ZNF43: variants seen among roughly 807,000 people sequenced by gnomAD.
The protein encoded by ZNF43 is zinc finger protein 39-like 1 (KOX 27).
In ZNF43, 44 loss-of-function variants were observed where a neutral mutation model predicts 68.4. The ratio of observed to expected loss-of-function variants is 0.64; its 90% confidence interval spans 0.51 to 0.83. The LOEUF (loss-of-function observed/expected upper bound fraction) is 0.83, where lower values mean the gene tolerates loss of function less well. Among genes scored for constraint, ZNF43 ranks in the 40% least tolerant of loss-of-function variants. The pLI is 0.00. For synonymous variants in ZNF43, 308 were observed against 307.8 expected (o/e 1.00, Z -0.01); for missense variants, 896 against 933.2 (o/e 0.96, Z 0.52).
chr19:21,835,144 G>A (rs1324385376), intron 1 of ZNF43, among the ~76,000 whole-genome samples: 1 of 147,378 alleles, frequency 6.8e-6, no homozygotes, highest in East Asian at 2.1e-4. Flanking sequence ...AGCTACTAAG[G>A]AGGCTGAGGC....
chr19:21,827,605 A>G (rs571246743), intron 1 of ZNF43, among the ~76,000 whole-genome samples: 7 of 148,964 alleles, frequency 4.7e-5, no homozygotes, highest in African/African-American at 1.5e-4. Context: ...CAAGTGATCC[A>G]CCCACCTTGG....
chr19:21,814,919 G>T (rs936000384), intron 3 of ZNF43, among the ~76,000 whole-genome samples: 1 of 151,814 alleles, frequency 6.6e-6, no homozygotes, highest in Non-Finnish European at 1.5e-5. Context: ...CAGGCACAGT[G>T]GCTCATGCCT....
chr19:21,816,234 T>A (rs2037521923), intron 3 of ZNF43, among the ~76,000 whole-genome samples: 1 of 152,112 alleles, frequency 6.6e-6, no homozygotes, highest in Admixed American at 6.5e-5. Flanking sequence ...GCATCATGGC[T>A]CACACTTGCA....
chr19:21,811,426 T>C (rs2037263690), intron 3 of ZNF43, among the ~76,000 whole-genome samples: 1 of 151,756 alleles, frequency 6.6e-6, no homozygotes, highest in Non-Finnish European at 1.5e-5. Context: ...TCCCAGCTAC[T>C]TGGGAGGCTG....
intron 1 of ZNF43, among the ~76,000 whole-genome samples, chr19:21,828,836 A>G (rs373660015): frequency 2.8e-4 from 42 of 151,746 alleles, no homozygotes; most frequent in African/African-American, 9.2e-4. Flanking sequence ...GATCGAGACC[A>G]TCCTGGCTAA....
At chr19:21,852,006 C>T in exon 1 of ZNF43, 1 of 1,492,416 alleles carries the variant, frequency 6.7e-7, no homozygotes, top group East Asian at 2.6e-5. Flanking sequence ...CCGGGGATTC[C>T]CGAGTTGGAG....
intron 1 of ZNF43, among the ~76,000 whole-genome samples, chr19:21,849,707 A>C (rs969207699): frequency 1.3e-5 from 2 of 151,388 alleles, no homozygotes; most frequent in African/African-American, 2.4e-5. Context: ...GCACCACTAC[A>C]CTCCAGCCTG....
chr19:21,818,780 A>G (rs2037654517), intron 2 of ZNF43, among the ~76,000 whole-genome samples: 1 of 152,112 alleles, frequency 6.6e-6, no homozygotes, highest in Non-Finnish European at 1.5e-5. Context: ...TAATTTCACT[A>G]CCTGGTAATA....
Position 21,805,628 on chromosome 19 carries a change from C to G in ZNF43, c.*1979G>C, listed in dbSNP as rs943773859. The G allele has an allele frequency of 2.0e-5, 3 of 149,882 alleles. No homozygotes were observed. Among genetic ancestry groups the G allele is most frequent in the African/African-American group, 7.4e-5 (3 of 40,712 alleles). 9.3% of individuals were successfully genotyped at this position (149,882 alleles called of 1,614,324 possible). ...CAAGACTCTGTCTCAAAAAAAAAAA[C>G]CAAACAAACAAAAAAAATTATGAAT... On this transcript the variant is annotated 3_prime_UTR_variant, in exon 4 of 4. Coordinates refer to ENST00000354959, the MANE Select transcript of ZNF43 (RefSeq NM_003423.4).
At chr19:21,839,278 G>A (rs1008036523), upstream of ZNF43, among the ~76,000 whole-genome samples, 2 of 146,296 alleles carry the variant, frequency 1.4e-5, no homozygotes, top group African/African-American at 5.1e-5. Context: ...ATAATACCTA[G>A]GTGTTGGACC....
chr19:21,835,992 C>A, intron 1 of ZNF43, 44 bp downstream of exon 1: 2 of 1,613,440 alleles, frequency 1.2e-6, no homozygotes. Flanking sequence ...TGAGTCACGC[C>A]ACAGCCCCTT....
intron 1 of ZNF43, among the ~76,000 whole-genome samples, chr19:21,844,990 G>A (rs1208910912): frequency 6.9e-6 from 1 of 144,986 alleles, no homozygotes; most frequent in East Asian, 2.0e-4. Flanking sequence ...GAGTGAGCAG[G>A]AGAGTCACAT....
intron 2 of ZNF43, among the ~76,000 whole-genome samples, chr19:21,818,635 G>A (rs981064041): frequency 1.3e-5 from 2 of 152,034 alleles, no homozygotes; most frequent in African/African-American, 4.8e-5. Flanking sequence ...TGGTCAGGCT[G>A]GTCTCAAACT....
exon 1 of ZNF43, chr19:21,851,922 G>T (rs1452208507): frequency 6.3e-7 from 1 of 1,579,196 alleles, no homozygotes; most frequent in Non-Finnish European, 8.6e-7. Context: ...CAGCTTCCAG[G>T]ATGTCCGGGC....
chr19:21,831,759 A>C (rs1369341224), intron 1 of ZNF43, among the ~76,000 whole-genome samples: 1 of 152,224 alleles, frequency 6.6e-6, no homozygotes, highest in Non-Finnish European at 1.5e-5. Flanking sequence ...AACAATATTG[A>C]AGCCAAAAGC....
chr19:21,833,865 T>C (rs887340838), intron 1 of ZNF43, among the ~76,000 whole-genome samples: 3 of 151,866 alleles, frequency 2.0e-5, no homozygotes, highest in African/African-American at 7.2e-5. Context: ...CTGTCTCTAC[T>C]AAAAATGCAA....
rs936273735 is a variant in ZNF43 at position 21,807,271 on chromosome 19, A to T, written c.*336T>A. Reference sequence around the variant, plus strand: ...ATTTGTAATGTTTGTCTTCAGAATGAATTATCTTCTTCACTTTAAAGGCTT... The same window carrying T: ...ATTTGTAATGTTTGTCTTCAGAATGTATTATCTTCTTCACTTTAAAGGCTT... On this transcript the variant is annotated 3_prime_UTR_variant, in exon 4 of 4. Transcript: ENST00000354959. The T allele has an allele frequency of 1.1e-5, 2 of 176,018 alleles. No homozygotes were observed. Among genetic ancestry groups the T allele is most frequent in the African/African-American group, 4.7e-5 (2 of 42,228 alleles). The allele number at this position is 176,018 out of a possible 1,614,324, so 10.9% of individuals were successfully genotyped here. A position where few individuals can be genotyped will look rare whatever the true frequency, so the allele number is the denominator to read the frequency against.
rs142672511 is a variant in ZNF43 at position 21,814,556 on chromosome 19, C to T, written c.229+3332G>A. Reference sequence around the variant, plus strand: ...TCCTGAGTAGCTGGGACTACAGGTGCGTACCACTATGCCCGGCTAATTTTT... The same window carrying T: ...TCCTGAGTAGCTGGGACTACAGGTGTGTACCACTATGCCCGGCTAATTTTT... On this transcript the variant is annotated intron_variant, in intron 3 of 3. Coordinates refer to ENST00000354959, the MANE Select transcript of ZNF43 (RefSeq NM_003423.4). Among the ~76,000 whole-genome samples, 342 of 151,928 alleles carry T rather than the reference C, an allele frequency of 2.3e-3. 3 individuals carry two copies. The highest frequency in any genetic ancestry group is 7.5e-3 in the African/African-American group (309 of 41,460).
intron 1 of ZNF43, among the ~76,000 whole-genome samples, chr19:21,844,922 ATATAT>A (rs1334020519): frequency 1.1e-4 from 4 of 37,298 alleles, no homozygotes; most frequent in African/African-American, 4.6e-4. Context: ...AAAAAAAAAA[ATATAT>A]ATATATATAT....
Sources: gnomAD v4.1 joint callset for allele counts (sites outside exome capture counted in the v4.1 genomes callset) on GRCh38, gnomAD v4.1.1 for gene constraint, MANE v1.5 for transcripts, NCBI Gene and HGNC (gene_info 2026-07-23, HGNC 2026-07-21) for gene names.